Variants in OCIAD1 observed in about 807,000 individuals in gnomAD.
OCIAD1 encodes the protein OCIA domain-containing protein 1.
In OCIAD1, 29 loss-of-function variants were observed where a neutral mutation model predicts 38.9. The ratio of observed to expected loss-of-function variants is 0.74; its 90% CI spans 0.55 to 1.02. The LOEUF is 1.02. Among genes scored for constraint, OCIAD1 ranks in the 50% least tolerant of loss-of-function variants. OCIAD1 has a pLI of 0.00. For missense variants in OCIAD1, 288 were observed against 289.6 expected, an observed-to-expected ratio of 0.99 and a Z score of 0.04; for synonymous variants, 110 against 92.0, an observed-to-expected ratio of 1.20 and a Z score of -1.12.
Position 48,857,356 on chromosome 4 carries a change from A to C in OCIAD1, c.691A>C (p.Lys231Gln). 2 of 1,548,084 alleles carry C rather than the reference A, an allele frequency of 1.3e-6. No homozygotes were observed. Among genetic ancestry groups the C allele is most frequent in the Non-Finnish European group, 1.7e-6 (2 of 1,151,614 alleles). ...SVRPMHERVPKKEVKVNKYGD... is the reference protein window; with the variant it reads ...SVRPMHERVPQKEVKVNKYGD... ...CAGGCCTATGCATGAAAGAGTGCCA[A>C]AAAAAGAAGGTATGATAGTTTAGTC... Residue 231 changes from lysine to glutamine, a missense_variant, in exon 8 of 9, where the codon AAA becomes CAA. Coordinates refer to ENST00000264312, the MANE Select transcript of OCIAD1 (RefSeq NM_017830.4).
Position 48,858,064 on chromosome 4 carries a change from G to C in OCIAD1, c.700+699G>C, listed in dbSNP as rs773427966. ...AGCTACTCGGGAGGCTGAGGCAGGA[G>C]AACTGCATGAACCCAGGAGGCAGAG... On this transcript the variant is annotated intron_variant, in intron 8 of 8. Transcript: ENST00000264312. Among the ~76,000 whole-genome samples the C allele has an allele frequency of 5.8e-4, 88 of 152,104 alleles. 1 individual carries two copies. The highest frequency in any genetic ancestry group is 9.0e-4 in the Non-Finnish European group (61 of 68,022).
Position 48,850,087 on chromosome 4 carries a change from G to T in OCIAD1, c.377+5G>T. ...ACGACGATCTTCACCACCTGGGTAG[G>T]CCAGATTCTGATCTTTACTTAAGAT... On this transcript the variant is annotated splice_donor_5th_base_variant and intron_variant, in intron 6 of 8. Transcript: ENST00000264312. The T allele has an allele frequency of 6.2e-7, 1 of 1,609,118 alleles. No individual in the cohort carries two copies.
chr4:48,833,930 TAGC>T (rs1278162645), intron 3 of OCIAD1, among the ~76,000 whole-genome samples: 1 of 152,196 alleles, frequency 6.6e-6, no homozygotes, highest in Non-Finnish European at 1.5e-5. Flanking sequence ...CATTATATAA[TAGC>T]AGATTAGTTC....
At chr4:48,837,896 A>C (rs1025471357) in intron 3 of OCIAD1, among the ~76,000 whole-genome samples, 1 of 152,202 alleles carries the variant, frequency 6.6e-6, no homozygotes, top group Non-Finnish European at 1.5e-5. Flanking sequence ...CCAAAAGTAC[A>C]TTAAAGGGTA....
chr4:48,831,464 C>T, intron 1 of OCIAD1: 1 of 1,285,574 alleles, frequency 7.8e-7, no homozygotes, highest in Non-Finnish European at 1.0e-6. Flanking sequence ...GTCACGGATG[C>T]GTGTGGGGTT....
At chr4:48,830,363 A>AG (rs1777377639), upstream of OCIAD1, among the ~76,000 whole-genome samples, 1 of 152,212 alleles carries the variant, frequency 6.6e-6, no homozygotes, top group Non-Finnish European at 1.5e-5. Context: ...GACAAATAGT[A>AG]GGACTGGATT....
chr4:48,836,200 G>A (rs991100826), intron 3 of OCIAD1, among the ~76,000 whole-genome samples: 6 of 152,148 alleles, frequency 3.9e-5, no homozygotes, highest in Admixed American at 3.3e-4. Flanking sequence ...TGTAGTCAAC[G>A]ATGAGATATA....
At chr4:48,821,826 A>G (rs1777197266) in intron 1 of OCIAD1, among the ~76,000 whole-genome samples, 1 of 152,158 alleles carries the variant, frequency 6.6e-6, no homozygotes, top group East Asian at 1.9e-4. Context: ...ACCTAAGAAT[A>G]CAACTTACAA....
chr4:48,849,557 A>C (rs1453510568), intron 5 of OCIAD1, among the ~76,000 whole-genome samples: 3 of 152,198 alleles, frequency 2.0e-5, no homozygotes, highest in South Asian at 2.1e-4. Context: ...ATAATGGCCT[A>C]AATCCTTGTG....
chr4:48,834,197 G>A (rs566654485), intron 3 of OCIAD1, among the ~76,000 whole-genome samples: 43 of 152,222 alleles, frequency 2.8e-4, no homozygotes, highest in African/African-American at 1.0e-3. Flanking sequence ...TTGAGATGGA[G>A]CTTCGCTCTT....
chr4:48,838,211 G>A (rs1410922163), intron 3 of OCIAD1, among the ~76,000 whole-genome samples: 1 of 151,800 alleles, frequency 6.6e-6, no homozygotes, highest in African/African-American at 2.4e-5. Context: ...CCAGCTACTC[G>A]AGAGGCTGAG....
intron 4 of OCIAD1, among the ~76,000 whole-genome samples, chr4:48,843,803 T>A (rs1778742185): frequency 6.6e-6 from 1 of 152,236 alleles, no homozygotes; most frequent in Non-Finnish European, 1.5e-5. Flanking sequence ...ACAGTGTTTA[T>A]TATTGTTCTG....
chr4:48,848,478 C>CT, intron 5 of OCIAD1, 32 bp downstream of exon 5: 1 of 1,051,882 alleles, frequency 9.5e-7, no homozygotes, highest in Non-Finnish European at 1.4e-6. Flanking sequence ...GTTTTCATAG[C>CT]TTTTTAAAAC....
At chr4:48,844,593 G>A (rs1778818774) in intron 4 of OCIAD1, among the ~76,000 whole-genome samples, 1 of 152,032 alleles carries the variant, frequency 6.6e-6, no homozygotes, top group Non-Finnish European at 1.5e-5. Context: ...TCTAGCCTGG[G>A]CAACAGAGCG....
At chr4:48,836,757 T>G (rs955796322) in intron 3 of OCIAD1, among the ~76,000 whole-genome samples, 1 of 152,188 alleles carries the variant, frequency 6.6e-6, no homozygotes, top group African/African-American at 2.4e-5. Flanking sequence ...TCCACCAATA[T>G]TCAGAGACTT....
At chr4:48,833,540 C>T in intron 3 of OCIAD1, 59 bp downstream of exon 3, 1 of 1,095,972 alleles carries the variant, frequency 9.1e-7, no homozygotes, top group Non-Finnish European at 1.4e-6. Context: ...GAAATTTTGA[C>T]TTGAATTTGA....
At chr4:48,820,944 A>G (rs927242467) in intron 1 of OCIAD1, among the ~76,000 whole-genome samples, 2 of 152,132 alleles carry the variant, frequency 1.3e-5, no homozygotes, top group African/African-American at 4.8e-5. Flanking sequence ...GGACCAGACG[A>G]ATTCACAGCC....
upstream of OCIAD1, among the ~76,000 whole-genome samples, chr4:48,828,231 T>C (rs1480365420): frequency 1.3e-5 from 2 of 152,062 alleles, no homozygotes; most frequent in African/African-American, 4.8e-5. Context: ...GGAGAACTTT[T>C]GTGTCTAGCT....
At chr4:48,816,301 A>G (rs1186816424) in intron 1 of OCIAD1, among the ~76,000 whole-genome samples, 1 of 152,238 alleles carries the variant, frequency 6.6e-6, no homozygotes, top group Non-Finnish European at 1.5e-5. Context: ...CAGGACATCT[A>G]TATAGCGCTT....
Sources: gnomAD v4.1 joint callset for allele counts (sites outside exome capture counted in the v4.1 genomes callset) on GRCh38, gnomAD v4.1.1 for gene constraint, MANE v1.5 for transcripts, NCBI Gene and HGNC (gene_info 2026-07-23, HGNC 2026-07-21) for gene names.